Variants in LIN9 observed in about 807,000 individuals in gnomAD.
The protein encoded by LIN9 is protein lin-9 homolog.
A neutral mutation model predicts 78.0 loss-of-function variants in LIN9; 18 were observed. The ratio of observed to expected loss-of-function variants is 0.23; its 90% CI spans 0.16 to 0.34. The LOEUF is 0.34. Among genes scored for constraint, LIN9 ranks in the 10% least tolerant of loss-of-function variants. LIN9 has a pLI of 1.00. For missense variants in LIN9, 451 were observed against 644.1 expected (o/e 0.70, Z 3.25); for synonymous variants, 192 against 215.2 (o/e 0.89, Z 0.94).
At chr1:226,288,428 C>T (rs1661511857) in intron 4 of LIN9, among the ~76,000 whole-genome samples, 1 of 152,152 alleles carries the variant, frequency 6.6e-6, no homozygotes, top group Non-Finnish European at 1.5e-5. Context: ...TATTTCATAA[C>T]ACTGTTTTGA....
rs776564111 is a variant in LIN9 at position 226,233,078 on chromosome 1, G to C, written c.1523+18C>G. On this transcript the variant is annotated intron_variant, in intron 14 of 14. Transcript: ENST00000681046. ...TGAACTTCACATTAAAATGATTAGA[G>C]TATACCTAACGAATTACCTGATATT... The C allele has an allele frequency of 2.1e-6, 3 of 1,413,898 alleles. No individual in the cohort carries two copies. 87.6% of individuals were successfully genotyped at this position (1,413,898 alleles called of 1,614,324 possible). A position where few individuals can be genotyped will look rare whatever the true frequency, so the allele number is the denominator to read the frequency against.
At chr1:226,276,418 A>G (rs1278594970) in intron 7 of LIN9, among the ~76,000 whole-genome samples, 5 of 152,202 alleles carry the variant, frequency 3.3e-5, no homozygotes, top group Non-Finnish European at 2.9e-5. Flanking sequence ...TTTAAGACAG[A>G]GATCATATCA....
At chr1:226,274,367 A>G (rs1003644210) in intron 7 of LIN9, among the ~76,000 whole-genome samples, 1 of 152,164 alleles carries the variant, frequency 6.6e-6, no homozygotes, top group African/African-American at 2.4e-5. Context: ...TGCCATCCAT[A>G]TCAGTGCTCC....
chr1:226,301,755 C>T (rs1229718518), intron 1 of LIN9, among the ~76,000 whole-genome samples: 1 of 152,136 alleles, frequency 6.6e-6, no homozygotes, highest in Non-Finnish European at 1.5e-5. Context: ...GAGGGGTCCA[C>T]TGGATAAAAC....
intron 12 of LIN9, among the ~76,000 whole-genome samples, chr1:226,235,120 G>T (rs1657601149): frequency 6.6e-6 from 1 of 151,550 alleles, no homozygotes; most frequent in African/African-American, 2.4e-5. Flanking sequence ...ATCACCTGAG[G>T]TCAGGAGTTC....
intron 4 of LIN9, 38 bp downstream of exon 4, chr1:226,295,803 CT>C (rs991346823): frequency 7.8e-7 from 1 of 1,287,896 alleles, no homozygotes; most frequent in African/African-American, 1.5e-5. Context: ...CATTTGCTTA[CT>C]TCCTTTCCAA....
intron 1 of LIN9, among the ~76,000 whole-genome samples, chr1:226,308,288 A>G (rs1451762148): frequency 6.6e-6 from 1 of 152,210 alleles, no homozygotes; most frequent in Non-Finnish European, 1.5e-5. Context: ...GTGAGCATAC[A>G]TGTCTTAGAT....
intron 6 of LIN9, 53 bp downstream of exon 6, chr1:226,286,280 C>T: frequency 3.2e-6 from 5 of 1,569,954 alleles, no homozygotes; most frequent in Non-Finnish European, 4.3e-6. Flanking sequence ...TAAGTACATG[C>T]ACTGCTACTG....
intron 11 of LIN9, among the ~76,000 whole-genome samples, chr1:226,241,404 A>AGG (rs1436993406): frequency 6.6e-6 from 1 of 152,222 alleles, no homozygotes; most frequent in African/African-American, 2.4e-5. Flanking sequence ...AATCAAAATC[A>AGG]TTAAAAGCTC....
intron 1 of LIN9, among the ~76,000 whole-genome samples, chr1:226,302,500 G>A (rs531765857): frequency 2.0e-4 from 29 of 148,164 alleles, no homozygotes; most frequent in South Asian, 2.1e-4. Context: ...CAAAGATTGC[G>A]CCACTGCACT....
intron 4 of LIN9, among the ~76,000 whole-genome samples, chr1:226,290,498 G>A (rs776796748): frequency 1.0e-4 from 15 of 150,504 alleles, no homozygotes; most frequent in Admixed American, 5.3e-4. Context: ...CCGCCACCAC[G>A]CCCGGCTAAT....
chr1:226,271,430 C>A (rs764981018), intron 7 of LIN9, among the ~76,000 whole-genome samples: 2 of 152,126 alleles, frequency 1.3e-5, no homozygotes, highest in African/African-American at 2.4e-5. Context: ...TAATTAAATT[C>A]TATTGTGGTC....
At chr1:226,286,918 C>T (rs1202028097) in intron 5 of LIN9, among the ~76,000 whole-genome samples, 1 of 152,194 alleles carries the variant, frequency 6.6e-6, no homozygotes, top group African/African-American at 2.4e-5. Context: ...ACCCTGAAAA[C>T]TCTCTTAAGC....
At chr1:226,278,129 G>T in intron 6 of LIN9, among the ~76,000 whole-genome samples, 197 bp from the exon 7 acceptor site, 1 of 152,074 alleles carries the variant, frequency 6.6e-6, no homozygotes, top group African/African-American at 2.4e-5. Context: ...CAAGTGCTGA[G>T]ATTAAAAACT....
At chr1:226,253,122 G>C (rs1658947663) in intron 10 of LIN9, among the ~76,000 whole-genome samples, 1 of 151,780 alleles carries the variant, frequency 6.6e-6, no homozygotes, top group African/African-American at 2.4e-5. Flanking sequence ...AATTAGCCAA[G>C]TGTGGTGGCG....
intron 7 of LIN9, among the ~76,000 whole-genome samples, chr1:226,268,872 A>G (rs895880804): frequency 6.6e-6 from 1 of 152,156 alleles, no homozygotes; most frequent in Non-Finnish European, 1.5e-5. Flanking sequence ...TGCCCCAAGC[A>G]CCTTATTCTT....
Position 226,254,063 on chromosome 1 carries a change from TAGGG to T in LIN9, c.1039-3148_1039-3145del, listed in dbSNP as rs565222294. Among the ~76,000 whole-genome samples, 74 of 152,268 alleles carry T rather than the reference TAGGG, an allele frequency of 4.9e-4. 1 individual carries two copies. The highest frequency in any genetic ancestry group is 1.6e-3 in the African/African-American group (68 of 41,570). ...CTTCCCACCTCAGACTCCTGAGTAGTAGGGACTACAGGGGCGTATCACCACACCT... is the reference window on the plus strand; with the variant it reads ...CTTCCCACCTCAGACTCCTGAGTAGTACTACAGGGGCGTATCACCACACCT... On this transcript the variant is annotated intron_variant, in intron 10 of 14. Coordinates refer to ENST00000681046, the MANE Select transcript of LIN9 (RefSeq NM_001366245.2).
chr1:226,256,985 GCT>G (rs1269515363), intron 10 of LIN9, among the ~76,000 whole-genome samples: 3 of 151,846 alleles, frequency 2.0e-5, no homozygotes, highest in African/African-American at 7.3e-5. Context: ...ACGGAATCTT[GCT>G]CTGTTGCCCA....
At chr1:226,302,876 T>A (rs1041558219) in intron 1 of LIN9, among the ~76,000 whole-genome samples, 1 of 152,190 alleles carries the variant, frequency 6.6e-6, no homozygotes, top group Non-Finnish European at 1.5e-5. Context: ...ACACTATGCA[T>A]CTCTGATCAC....
Sources: gnomAD v4.1 joint callset for allele counts (sites outside exome capture counted in the v4.1 genomes callset) on GRCh38, gnomAD v4.1.1 for gene constraint, MANE v1.5 for transcripts, NCBI Gene and HGNC (gene_info 2026-07-23, HGNC 2026-07-21) for gene names.